The following NBEA variants were observed in gnomAD, a reference collection of about 807,000 sequenced individuals.
NBEA encodes the protein lysosomal-trafficking regulator 2.
Under a neutral mutation model 343.4 loss-of-function variants are expected in NBEA, and 44 were observed. That is an observed-to-expected ratio of 0.13 (90% CI 0.10 to 0.16). NBEA has a LOEUF of 0.16. NBEA is among the 10% of genes least tolerant of loss of function. The probability of loss-of-function intolerance (pLI) is 1.00; values close to 1 mark genes in which losing one functional copy is unlikely to be tolerated. For synonymous variants in NBEA, 1,175 were observed against 1,238.7 expected (o/e 0.95, Z 1.08); for missense variants, 2,555 against 3,631.3 (o/e 0.70, Z 7.62).
intron 10 of NBEA, among the ~76,000 whole-genome samples, chr13:35,089,914 G>T (rs1193333638): frequency 2.7e-5 from 3 of 109,198 alleles, no homozygotes; most frequent in African/African-American, 1.0e-4. Flanking sequence ...CTGTTGTGGG[G>T]TGGGGGGAGG....
At chr13:35,029,408 T>G (rs9543024) in intron 1 of NBEA, among the ~76,000 whole-genome samples, 46,969 of 151,312 alleles carry the variant, frequency 0.31, 8,173 homozygotes, top group Middle Eastern at 0.52. Context: ...GAGGGAACCC[T>G]GTATCATGCA....
At chr13:35,401,308 C>T (rs963224224) in intron 38 of NBEA, among the ~76,000 whole-genome samples, 1 of 151,892 alleles carries the variant, frequency 6.6e-6, no homozygotes, top group African/African-American at 2.4e-5. Context: ...ACTGAGCTAA[C>T]GTGCTTAACA....
At chr13:35,643,905 A>G (rs1218849349) in intron 49 of NBEA, among the ~76,000 whole-genome samples, 1 of 151,992 alleles carries the variant, frequency 6.6e-6, no homozygotes, top group Non-Finnish European at 1.5e-5. Flanking sequence ...GTCATTGATG[A>G]CCCCCTTAAA....
chr13:35,449,873 C>T (rs9544382), intron 39 of NBEA, among the ~76,000 whole-genome samples: 2 of 151,918 alleles, frequency 1.3e-5, no homozygotes, highest in Non-Finnish European at 2.9e-5. Context: ...AAATATATGT[C>T]TAACAATCTA....
intron 1 of NBEA, among the ~76,000 whole-genome samples, chr13:34,979,855 A>C (rs2060298463): frequency 1.1e-4 from 16 of 152,146 alleles, no homozygotes; most frequent in Admixed American, 1.0e-3. Flanking sequence ...TTTAATTCTC[A>C]TGTCTGTTAT....
chr13:35,179,336 C>A (rs1370031301), intron 28 of NBEA, among the ~76,000 whole-genome samples: 2 of 151,412 alleles, frequency 1.3e-5, no homozygotes, highest in African/African-American at 4.8e-5. Context: ...GGAAGGTACA[C>A]CATGGCAACA....
Position 35,340,180 on chromosome 13 carries a change from T to G in NBEA, c.5904-8928T>G, listed in dbSNP as rs59186353. Reference sequence around the variant, plus strand: ...ACTCTAAGTAGTATTTGTGCCCCTATGTTCATAGCTGCATTATTTGCAGTA... The same window carrying G: ...ACTCTAAGTAGTATTTGTGCCCCTAGGTTCATAGCTGCATTATTTGCAGTA... On this transcript the variant is annotated intron_variant, in intron 36 of 58. Coordinates refer to ENST00000379939, the MANE Select transcript of NBEA (RefSeq NM_001385012.1). 6.3e-3 allele frequency among the ~76,000 whole-genome samples: 962 copies of G among 152,234 alleles called. 10 individuals are homozygous for G. Among genetic ancestry groups the G allele is most frequent in the African/African-American group, 0.022 (923 of 41,566 alleles).
At chr13:35,213,539 C>G (rs2073901861) in intron 33 of NBEA, among the ~76,000 whole-genome samples, 1 of 151,832 alleles carries the variant, frequency 6.6e-6, no homozygotes, top group Admixed American at 6.6e-5. Context: ...GCAAGTGGGG[C>G]TATATAGGTC....
At chr13:34,998,962 G>A (rs1387950218) in intron 1 of NBEA, among the ~76,000 whole-genome samples, 3 of 152,088 alleles carry the variant, frequency 2.0e-5, no homozygotes, top group Non-Finnish European at 4.4e-5. Flanking sequence ...ACAGGCGTAA[G>A]AAATTATAAA....
intron 34 of NBEA, among the ~76,000 whole-genome samples, chr13:35,246,373 T>G (rs1020726116): frequency 1.3e-5 from 2 of 152,198 alleles, no homozygotes; most frequent in Non-Finnish European, 2.9e-5. Context: ...TTTTGTCATA[T>G]TACGCAAATT....
intron 31 of NBEA, among the ~76,000 whole-genome samples, chr13:35,202,712 A>G (rs1315164286): frequency 1.3e-5 from 2 of 152,056 alleles, no homozygotes; most frequent in East Asian, 1.9e-4. Flanking sequence ...TCTTATATTT[A>G]TATCTTAGTT....
At chr13:35,239,500 T>C (rs2029873133) in intron 34 of NBEA, among the ~76,000 whole-genome samples, 1 of 152,174 alleles carries the variant, frequency 6.6e-6, no homozygotes, top group Non-Finnish European at 1.5e-5. Context: ...AGCTGCTTGG[T>C]AATTATTAAT....
At chr13:35,597,605 G>T (rs2081866818) in intron 47 of NBEA, among the ~76,000 whole-genome samples, 1 of 152,120 alleles carries the variant, frequency 6.6e-6, no homozygotes, top group Non-Finnish European at 1.5e-5. Context: ...TGAGGTAGTA[G>T]TCATTAACCC....
At chr13:35,251,451 A>T in intron 34 of NBEA, 1 of 1,057,472 alleles carries the variant, frequency 9.5e-7, no homozygotes, top group South Asian at 2.9e-5. Flanking sequence ...TGGAGAACTT[A>T]TCACTCAGAG....
At chr13:35,201,293 A>G (rs925275326) in intron 31 of NBEA, among the ~76,000 whole-genome samples, 1 of 152,086 alleles carries the variant, frequency 6.6e-6, no homozygotes, top group African/African-American at 2.4e-5. Flanking sequence ...AGTGAGCTGA[A>G]TAAAGTATCT....
At chr13:35,412,959 G>T (rs2043681529) in intron 38 of NBEA, among the ~76,000 whole-genome samples, 2 of 152,140 alleles carry the variant, frequency 1.3e-5, no homozygotes, top group South Asian at 4.1e-4. Context: ...TTAATGAAAA[G>T]TAGTTGAGTA....
intron 1 of NBEA, among the ~76,000 whole-genome samples, chr13:35,005,285 C>T (rs2061281123): frequency 6.7e-6 from 1 of 150,284 alleles, no homozygotes; most frequent in African/African-American, 2.4e-5. Context: ...GACAGGTTTT[C>T]TGGCAGCTCC....
intron 38 of NBEA, among the ~76,000 whole-genome samples, chr13:35,370,374 C>T (rs1359015369): frequency 6.6e-6 from 1 of 151,780 alleles, no homozygotes; most frequent in Non-Finnish European, 1.5e-5. Context: ...TTTTGGTTTT[C>T]CTTTACATGG....
At chr13:35,349,267 A>T in intron 37 of NBEA, 51 bp downstream of exon 37, 1 of 1,058,618 alleles carries the variant, frequency 9.4e-7, no homozygotes, top group South Asian at 1.5e-5. Context: ...TAAGCCAAAA[A>T]TCACCTATCT....
Sources: allele counts gnomAD v4.1 joint callset (sites outside exome capture counted in the v4.1 genomes callset), GRCh38; gene constraint gnomAD v4.1.1; transcripts MANE v1.5; gene names NCBI Gene and HGNC (gene_info 2026-07-23, HGNC 2026-07-21).